RARRES1: variants seen among roughly 807,000 people sequenced by gnomAD.
RARRES1 encodes retinoic acid receptor responder 1.
RARRES1 carries 34 observed loss-of-function variants against 30.6 expected under a neutral mutation model. The observed-to-expected ratio is 1.11, with a 90% CI of 0.84 to 1.48. RARRES1 has a LOEUF of 1.48. Among genes scored for constraint, RARRES1 ranks in the 40% most tolerant of loss-of-function variants. The pLI, the probability that RARRES1 is intolerant of heterozygous loss-of-function variation, is 0.00. For missense variants in RARRES1, 373 were observed against 386.5 expected (o/e 0.97, Z 0.29); for synonymous variants, 153 against 155.5 (o/e 0.98, Z 0.12).
At chr3:158,728,260 T>C (rs1156706879) in intron 1 of RARRES1, among the ~76,000 whole-genome samples, 2 of 151,336 alleles carry the variant, frequency 1.3e-5, no homozygotes, top group Non-Finnish European at 2.9e-5. Context: ...ATAACCCTAG[T>C]GAGCCCTTAG....
chr3:158,697,553 TTTAC>T lies in RARRES1; in HGVS notation c.*121_*124del, dbSNP rs1268619333. The T allele has an allele frequency of 7.4e-6, 8 of 1,086,130 alleles. No homozygotes were observed. The highest frequency in any genetic ancestry group is 1.0e-5 in the Non-Finnish European group (8 of 766,386). The allele number at this position is 1,086,130 out of a possible 1,614,324, so 67.3% of individuals were successfully genotyped here. On this transcript the variant is annotated 3_prime_UTR_variant, in exon 6 of 6. Transcript: ENST00000237696. ...ACCAACATCTTTGCATTTCTGAGTT[TTTAC>T]TTGTAATCATAGGTTTTCCCAAATT...
intron 3 of RARRES1, among the ~76,000 whole-genome samples, chr3:158,707,723 T>C (rs1449467565): frequency 6.6e-6 from 1 of 152,152 alleles, no homozygotes; most frequent in Non-Finnish European, 1.5e-5. Flanking sequence ...TAGAAATAAA[T>C]AGCAGCATTG....
intron 4 of RARRES1, among the ~76,000 whole-genome samples, chr3:158,701,298 T>C (rs939932392): frequency 1.3e-5 from 2 of 152,182 alleles, no homozygotes; most frequent in Admixed American, 1.3e-4. Context: ...TATTCTTCAG[T>C]TCTAAGGAAA....
chr3:158,709,350 A>C (rs1727036418), intron 3 of RARRES1, among the ~76,000 whole-genome samples: 1 of 152,256 alleles, frequency 6.6e-6, no homozygotes, highest in African/African-American at 2.4e-5. Context: ...TATTTTCCCA[A>C]CTAAAGGAAA....
Position 158,697,772 on chromosome 3 carries a change from A to T in RARRES1, c.791T>A (p.Val264Glu). Residue 264 changes from valine (V) to glutamate (E), a missense_variant, in exon 6 of 6, where the codon GTG becomes GAG. By Grantham distance (121) the Val-to-Glu change is moderately radical. Coordinates refer to ENST00000237696, the MANE Select transcript of RARRES1 (RefSeq NM_206963.2). The part of the protein sequence containing the change: ...LVWYPGKPLK[V>E]KYHCQELQTP... ...CTGTAGCTCTTGACAGTGGTACTTC[A>T]CTTTAAGAGGTTTGCCAGGGTACCA... The T allele has an allele frequency of 6.2e-7, 1 of 1,610,602 alleles. No individual in the cohort carries two copies. The highest frequency in any genetic ancestry group is 8.5e-7 in the Non-Finnish European group (1 of 1,176,818).
rs150477270 is a variant in RARRES1, at chr3:158,698,704, T to C, written c.673-734A>G. On this transcript the variant is annotated intron_variant, in intron 4 of 5. Transcript: ENST00000237696. ...TTTTTTTTTTGCAAGAGTGCTTATCTGTTCACTAGTAAAAATGGAAGAAAG... is the reference window on the plus strand; with the variant it reads ...TTTTTTTTTTGCAAGAGTGCTTATCCGTTCACTAGTAAAAATGGAAGAAAG... 3.6e-3 allele frequency among the ~76,000 whole-genome samples: 554 copies of C among 152,114 alleles called. 2 individuals are homozygous for C. The highest frequency in any genetic ancestry group is 0.013 in the African/African-American group (538 of 41,486).
intron 3 of RARRES1, among the ~76,000 whole-genome samples, chr3:158,705,446 T>A (rs1178549177): frequency 9.7e-6 from 1 of 103,254 alleles, no homozygotes; most frequent in Non-Finnish European, 2.2e-5. Context: ...GTTAAGAAGC[T>A]TTTTTTTTTT....
At chr3:158,718,285 A>T (rs1727389874) in intron 1 of RARRES1, among the ~76,000 whole-genome samples, 1 of 152,130 alleles carries the variant, frequency 6.6e-6, no homozygotes, top group South Asian at 2.1e-4. Context: ...GCCTTAAAAC[A>T]ACATTTTTAA....
At position 158,705,188 on chromosome 3, in the gene RARRES1, G is replaced by A. The variant is rs572402616; in HGVS notation, c.536-261C>T. 8.5e-4 allele frequency among the ~76,000 whole-genome samples: 130 copies of A among 152,246 alleles called. 4 individuals are homozygous for A. The South Asian group carries it at 0.026, about 30-fold the overall frequency. The stretch of plus-strand genomic sequence containing the variant: ...TGTATACACGCAAAGTAAGAGCTAT[G>A]AAGCCTACGTTGTATCAAGCCTATG... On this transcript the variant is annotated intron_variant, in intron 3 of 5. Transcript: ENST00000237696.
chr3:158,705,959 T>A (rs146040986), intron 3 of RARRES1, among the ~76,000 whole-genome samples: 12 of 152,316 alleles, frequency 7.9e-5, no homozygotes, highest in African/African-American at 2.6e-4. Flanking sequence ...GGAGCTCAAA[T>A]TTTATGAGGT....
In RARRES1 at chr3:158,719,647, T is replaced by TCC. The variant is rs111978909; in HGVS notation, c.277-5790_277-5789dup. On this transcript the variant is annotated intron_variant, in intron 1 of 5. Coordinates refer to ENST00000237696, the MANE Select transcript of RARRES1 (RefSeq NM_206963.2). ...GTGAAAAGAGGCAGTCCCATCCCCTTCCCCATATACCTTCCACCTCCCCTT... is the reference window on the plus strand; with the variant it reads ...GTGAAAAGAGGCAGTCCCATCCCCTTCCCCCCATATACCTTCCACCTCCCCTT... Among the ~76,000 whole-genome samples the TCC allele has an allele frequency of 4.0e-3, 607 of 152,174 alleles. 4 individuals are homozygous for TCC. Among genetic ancestry groups the TCC allele is most frequent in the African/African-American group, 0.014 (588 of 41,512 alleles).
intron 1 of RARRES1, among the ~76,000 whole-genome samples, chr3:158,721,715 G>C (rs1727517367): frequency 6.6e-6 from 1 of 152,214 alleles, no homozygotes; most frequent in Non-Finnish European, 1.5e-5. Context: ...ACCTTAGAAA[G>C]TGCATGTGGC....
At chr3:158,720,233 GGTGTGTGT>G (rs781535998) in intron 1 of RARRES1, among the ~76,000 whole-genome samples, 1 of 139,266 alleles carries the variant, frequency 7.2e-6, no homozygotes, top group African/African-American at 2.8e-5. Flanking sequence ...GCTGGCTGCT[GGTGTGTGT>G]GTGTGTGTGT....
At chr3:158,698,480 A>G (rs1726623512) in intron 4 of RARRES1, among the ~76,000 whole-genome samples, 1 of 152,234 alleles carries the variant, frequency 6.6e-6, no homozygotes, top group Non-Finnish European at 1.5e-5. Context: ...GACAAATGGG[A>G]ATTCCAACCC....
intron 3 of RARRES1, among the ~76,000 whole-genome samples, chr3:158,710,115 C>T (rs542892984): frequency 6.6e-6 from 1 of 152,352 alleles, no homozygotes; most frequent in Non-Finnish European, 1.5e-5. Context: ...AAACAGCACC[C>T]CTATATGCAT....
chr3:158,704,000 A>T (rs964641814), intron 4 of RARRES1, among the ~76,000 whole-genome samples: 3 of 152,022 alleles, frequency 2.0e-5, no homozygotes, highest in Non-Finnish European at 2.9e-5. Flanking sequence ...TTCCTCCTAT[A>T]AGCTTCCCCA....
chr3:158,698,540 T>A (rs947309378), intron 4 of RARRES1, among the ~76,000 whole-genome samples: 8 of 152,254 alleles, frequency 5.3e-5, no homozygotes, highest in Admixed American at 4.6e-4. Flanking sequence ...CACATGAAGC[T>A]ATACACGCTG....
rs753511806 is a variant in RARRES1 at position 158,697,845 on chromosome 3, A to G, written c.736-18T>C. 6.2e-7 allele frequency: 1 copy of G among 1,601,520 alleles called. No homozygotes were observed. Among genetic ancestry groups the G allele is most frequent in the Non-Finnish European group, 8.5e-7 (1 of 1,170,820 alleles). ...ATTATTTCCTAGGAAATAGAGTTAT[A>G]AAATATTATAATCTGCAAAAACTTA... On this transcript the variant is annotated intron_variant, in intron 5 of 5. Coordinates refer to ENST00000237696, the MANE Select transcript of RARRES1 (RefSeq NM_206963.2).
chr3:158,701,305 G>C (rs1309354020), intron 4 of RARRES1, among the ~76,000 whole-genome samples: 1 of 151,896 alleles, frequency 6.6e-6, no homozygotes, highest in Non-Finnish European at 1.5e-5. Flanking sequence ...CAGTTCTAAG[G>C]AAAGAGTTGT....
Sources: allele counts gnomAD v4.1 joint callset (sites outside exome capture counted in the v4.1 genomes callset), GRCh38; gene constraint gnomAD v4.1.1; transcripts MANE v1.5; gene names NCBI Gene and HGNC (gene_info 2026-07-23, HGNC 2026-07-21).